Variants in CLASRP observed in about 807,000 individuals in gnomAD.
CLASRP encodes the protein CLK4 associating serine/arginine rich protein.
A neutral mutation model predicts 99.9 loss-of-function variants in CLASRP; 52 were observed. The ratio of observed to expected loss-of-function variants is 0.52; its 90% CI spans 0.42 to 0.66. The LOEUF (loss-of-function observed/expected upper bound fraction) is 0.66, where lower values mean the gene tolerates loss of function less well. CLASRP is among the 30% of genes least tolerant of loss of function. The pLI, the probability that CLASRP is intolerant of heterozygous loss-of-function variation, is 0.00. For synonymous variants in CLASRP, 379 were observed against 373.0 expected, an observed-to-expected ratio of 1.02 and a Z score of -0.18; for missense variants, 848 against 999.2, an observed-to-expected ratio of 0.85 and a Z score of 2.04.
intron 2 of CLASRP, among the ~76,000 whole-genome samples, chr19:45,051,696 C>T (rs762933202): frequency 6.6e-6 from 1 of 151,572 alleles, no homozygotes; most frequent in Non-Finnish European, 1.5e-5. Context: ...AGGCCGGGCG[C>T]GGTGACTCAT....
intron 18 of CLASRP, 112 bp from the exon 19 acceptor site, chr19:45,069,910 C>T (rs772545653): frequency 1.2e-5 from 8 of 656,160 alleles, no homozygotes; most frequent in Non-Finnish European, 1.9e-5. Context: ...GTGGCAGTAC[C>T]GGCCCCCTTG....
rs991634731 is a variant in CLASRP, at chr19:45,070,952, C to T, written c.*107C>T. The stretch of plus-strand genomic sequence containing the variant: ...ATAAAGTCAAAAGTTATTTAATTCC[C>T]GTCACCTGTCTCAGTGTCATCTGTG... On this transcript the variant is annotated 3_prime_UTR_variant, in exon 21 of 21. Coordinates refer to ENST00000221455, the MANE Select transcript of CLASRP (RefSeq NM_007056.3). 12 of 732,558 alleles carry T rather than the reference C, an allele frequency of 1.6e-5. No individual in the cohort carries two copies. The highest frequency in any genetic ancestry group is 7.0e-5 in the South Asian group (4 of 57,004). The allele number at this position is 732,558 out of a possible 1,614,324, so 45.4% of individuals were successfully genotyped here. A position where few individuals can be genotyped will look rare whatever the true frequency, so the allele number is the denominator to read the frequency against.
At position 45,067,605 on chromosome 19, in the gene CLASRP, C is replaced by T. The variant is rs760845502; in HGVS notation, c.1667+11C>T. Reference sequence around the variant, plus strand: ...CGAGAAGCTGAAAAAGTGAGCGGGGCGGGTCTGGAGGAAGAGGGCTGCCAA... The same window carrying T: ...CGAGAAGCTGAAAAAGTGAGCGGGGTGGGTCTGGAGGAAGAGGGCTGCCAA... On this transcript the variant is annotated intron_variant, in intron 14 of 20. Transcript: ENST00000221455. This position sits in a 1 kb window ranked among gnomAD's most constrained non-coding sequence, Gnocchi z 4.9. The T allele has an allele frequency of 7.0e-6, 11 of 1,582,076 alleles. No individual in the cohort carries two copies. Among genetic ancestry groups the T allele is most frequent in the East Asian group, 4.5e-5 (2 of 44,406 alleles).
chr19:45,058,209 C>T (rs962525084), intron 7 of CLASRP: 2 of 371,502 alleles, frequency 5.4e-6, no homozygotes, highest in Non-Finnish European at 1.0e-5. Flanking sequence ...TGCTCTCTTC[C>T]CTCCTCTGGA....
chr19:45,060,606 G>C lies in CLASRP; in HGVS notation c.842G>C (p.Gly281Ala), dbSNP rs763531400. The change falls in exon 10 of 21, where the codon GGT (glycine) becomes GCT (alanine). Residue 281 changes from glycine to alanine, a missense_variant. This residue lies in a region of CLASRP where 9 missense variants were observed against 28.5 expected (regional missense o/e 0.32). Coordinates refer to ENST00000221455, the MANE Select transcript of CLASRP (RefSeq NM_007056.3). The surrounding 1 kb of genome is among the most constrained non-coding windows in gnomAD (Gnocchi z 4.6). ...RREFREKRLR[G>A]RKISPPSYAR... ...GAGTTTCGGGAGAAGCGGCTGAGGG[G>C]TCGCAAGATCAGCCCACCCAGGTAG... 6.2e-7 allele frequency: 1 copy of C among 1,607,952 alleles called. No individual in the cohort carries two copies. Among genetic ancestry groups the C allele is most frequent in the South Asian group, 1.1e-5 (1 of 90,256 alleles).
chr19:45,054,448 A>G (rs188288852), intron 5 of CLASRP, among the ~76,000 whole-genome samples: 1 of 152,124 alleles, frequency 6.6e-6, no homozygotes, highest in Admixed American at 6.5e-5. Flanking sequence ...CGGGGATTTC[A>G]CCATCTTGGC....
At chr19:45,042,764 G>A (rs1971837095) in intron 2 of CLASRP, among the ~76,000 whole-genome samples, 2 of 152,002 alleles carry the variant, frequency 1.3e-5, no homozygotes, top group South Asian at 4.1e-4. Context: ...TTACAGGCAT[G>A]TGCCACTATG....
At chr19:45,065,358 C>G (rs1278778539) in intron 13 of CLASRP, among the ~76,000 whole-genome samples, 1 of 142,526 alleles carries the variant, frequency 7.0e-6, no homozygotes, top group Non-Finnish European at 1.5e-5. Flanking sequence ...CCACCGCACT[C>G]TAGCCTGGTG....
intron 7 of CLASRP, 102 bp downstream of exon 7, chr19:45,058,000 C>A: frequency 1.4e-6 from 2 of 1,464,190 alleles, no homozygotes; most frequent in East Asian, 2.4e-5. Flanking sequence ...CGAACCGTGT[C>A]TCTCTCCCTA....
Position 45,064,003 on chromosome 19 carries a change from T to A in CLASRP, c.906-9T>A, listed in dbSNP as rs548219569. 3.7e-6 allele frequency: 6 copies of A among 1,602,890 alleles called. No homozygotes were observed. The African/African-American group carries it at 8.0e-5, about 21-fold the overall frequency. On this transcript the variant is annotated splice_polypyrimidine_tract_variant and intron_variant, in intron 11 of 20. Transcript: ENST00000221455. The stretch of plus-strand genomic sequence containing the variant: ...CTGAGCTAGTGAGCCTCCTCCTCCC[T>A]ACCCGCAGGTCACCCTCGGAGTCCA...
At chr19:45,056,645 G>T in intron 6 of CLASRP, 111 bp downstream of exon 6, 1 of 857,130 alleles carries the variant, frequency 1.2e-6, no homozygotes, top group Non-Finnish European at 1.9e-6. Context: ...AACCAAGGAT[G>T]GTGTTCAGCA....
At position 45,064,450 on chromosome 19, in the gene CLASRP, G is replaced by C. The variant is rs551018548; in HGVS notation, c.1229G>C (p.Arg410Pro). The change falls in exon 13 of 21, where the codon CGT becomes CCT. Residue 410 changes from arginine to proline, a missense_variant. By Grantham distance (103) the Arg-to-Pro change is moderately radical. Coordinates refer to ENST00000221455, the MANE Select transcript of CLASRP (RefSeq NM_007056.3). Reference protein sequence around the residue: ...SRSRRGGGYYRSGRHARSRSR... With the variant: ...SRSRRGGGYYPSGRHARSRSR... ...TCTCGCCGTGGTGGGGGCTACTACCGTTCCGGCCGCCACGCCCGCTCCCGG... is the reference window on the plus strand; with the variant it reads ...TCTCGCCGTGGTGGGGGCTACTACCCTTCCGGCCGCCACGCCCGCTCCCGG... 166 of 1,527,304 alleles carry C rather than the reference G, an allele frequency of 1.1e-4. No individual in the cohort carries two copies. In the East Asian group the frequency reaches 3.3e-3, roughly 30 times the overall value. 94.6% of individuals were successfully genotyped at this position (1,527,304 alleles called of 1,614,324 possible). A position where few individuals can be genotyped will look rare whatever the true frequency, so the allele number is the denominator to read the frequency against.
chr19:45,041,505 T>A (rs1971813447), intron 2 of CLASRP, among the ~76,000 whole-genome samples: 1 of 152,158 alleles, frequency 6.6e-6, no homozygotes, highest in Non-Finnish European at 1.5e-5. Flanking sequence ...ATGGCACCTG[T>A]TTTCTAGGTT....
intron 2 of CLASRP, among the ~76,000 whole-genome samples, chr19:45,046,445 C>T (rs1017714266): frequency 2.0e-5 from 3 of 152,196 alleles, no homozygotes; most frequent in African/African-American, 7.2e-5. Context: ...GCAGCTCAGG[C>T]GTCGCCTCCT....
rs549514357 is a variant in CLASRP, at chr19:45,067,813, C to T, written c.1668-202C>T. On this transcript the variant is annotated intron_variant, in intron 14 of 20. Transcript: ENST00000221455. The surrounding 1 kb of genome is among the most constrained non-coding windows in gnomAD (Gnocchi z 4.9). ...CCTGGAGGATCTGCACAATTAGAAC[C>T]TTGTCCTGGGTGAGGGTCAGAGGGG... 2.6e-5 allele frequency among the ~76,000 whole-genome samples: 4 copies of T among 152,136 alleles called. No homozygotes were observed. The highest frequency in any genetic ancestry group is 4.4e-5 in the Non-Finnish European group (3 of 68,030).
At position 45,062,156 on chromosome 19, in the gene CLASRP, A is replaced by G. The variant is rs1234913695; in HGVS notation, c.866A>G (p.Tyr289Cys). The stretch of plus-strand genomic sequence containing the variant: ...CCACCCCATTCTTTTCTCTGTAGCT[A>G]TGCCCGCCGAGACAGCCCCACCTAT... ...LRGRKISPPS[Y>C]ARRDSPTYDP... Residue 289 changes from tyrosine to cysteine, a missense_variant and splice_region_variant, in exon 11 of 21, where the codon TAT becomes TGT. This residue lies in a region of CLASRP where 9 missense variants were observed against 28.5 expected (regional missense o/e 0.32). Transcript: ENST00000221455. 1.3e-6 allele frequency: 2 copies of G among 1,532,182 alleles called. No individual in the cohort carries two copies. The highest frequency in any genetic ancestry group is 1.7e-5 in the Admixed American group (1 of 59,842). The allele number at this position is 1,532,182 out of a possible 1,614,324, so 94.9% of individuals were successfully genotyped here.
intron 2 of CLASRP, among the ~76,000 whole-genome samples, chr19:45,045,349 A>G (rs889389559): frequency 2.6e-5 from 4 of 152,118 alleles, no homozygotes; most frequent in African/African-American, 9.7e-5. Flanking sequence ...AACCCCGTCT[A>G]TACCAAAATA....
intron 10 of CLASRP, among the ~76,000 whole-genome samples, chr19:45,061,494 G>A (rs960180108): frequency 6.6e-6 from 1 of 151,858 alleles, no homozygotes; most frequent in African/African-American, 2.4e-5. Flanking sequence ...CCAGAGACAG[G>A]GTCTTATTCT....
At chr19:45,049,174 G>T (rs1805805510) in intron 2 of CLASRP, among the ~76,000 whole-genome samples, 1 of 152,120 alleles carries the variant, frequency 6.6e-6, no homozygotes, top group South Asian at 2.1e-4. Flanking sequence ...AGCTGACCCT[G>T]CCAGTAGCTT....
Sources: gnomAD v4.1 joint callset for allele counts (sites outside exome capture counted in the v4.1 genomes callset) on GRCh38, gnomAD v4.1.1 for gene constraint, gnomAD v4.1.1 regional missense constraint, Gnocchi (gnomAD v3.1) non-coding constraint, MANE v1.5 for transcripts, NCBI Gene and HGNC (gene_info 2026-07-23, HGNC 2026-07-21) for gene names.